The following KCNQ5 variants were observed in gnomAD, a reference collection of about 807,000 sequenced individuals.
KCNQ5 encodes the protein potassium voltage-gated channel subfamily KQT member 5.
KCNQ5 carries 30 observed loss-of-function variants against 98.2 expected under a neutral mutation model. The ratio of observed to expected loss-of-function variants is 0.31; its 90% CI spans 0.23 to 0.41. The LOEUF (loss-of-function observed/expected upper bound fraction) is 0.41, where lower values mean the gene tolerates loss of function less well. Among genes scored for constraint, KCNQ5 ranks in the 10% least tolerant of loss-of-function variants. The probability of loss-of-function intolerance (pLI) is 1.00; values close to 1 mark genes in which losing one functional copy is unlikely to be tolerated. For missense variants in KCNQ5, 835 were observed against 1,182.5 expected (o/e 0.71, Z 4.31); for synonymous variants, 458 against 449.4 (o/e 1.02, Z -0.24).
intron 5 of KCNQ5, among the ~76,000 whole-genome samples, chr6:73,088,305 G>GCCACC (rs1774077376): frequency 6.6e-6 from 1 of 152,114 alleles, no homozygotes; most frequent in Admixed American, 6.6e-5. Flanking sequence ...ACAGGCATAA[G>GCCACC]CCACCGTGCC....
At chr6:72,721,968 G>A (rs114063605) in intron 1 of KCNQ5, among the ~76,000 whole-genome samples, 1,772 of 152,250 alleles carry the variant, frequency 0.012, 36 homozygotes, top group African/African-American at 0.041. Flanking sequence ...TCTTGAGATG[G>A]GAAGATTATT....
intron 2 of KCNQ5, among the ~76,000 whole-genome samples, chr6:73,021,205 C>G (rs1329648083): frequency 6.6e-6 from 1 of 152,146 alleles, no homozygotes; most frequent in East Asian, 1.9e-4. Flanking sequence ...AGTGGATGGT[C>G]TATAACGGTG....
chr6:72,771,035 CA>C (rs1772845768), intron 1 of KCNQ5, among the ~76,000 whole-genome samples: 1 of 152,072 alleles, frequency 6.6e-6, no homozygotes, highest in African/African-American at 2.4e-5. Context: ...CAAAGAATGC[CA>C]GTAAATTTGG....
intron 1 of KCNQ5, among the ~76,000 whole-genome samples, chr6:72,996,315 TCA>T (rs1230564969): frequency 4.6e-5 from 7 of 152,324 alleles, no homozygotes; most frequent in Non-Finnish European, 8.8e-5. Flanking sequence ...TGTTAAAAGA[TCA>T]CAGTCTCCGA....
chr6:72,976,274 C>T (rs577349481), intron 1 of KCNQ5, among the ~76,000 whole-genome samples: 1 of 152,254 alleles, frequency 6.6e-6, no homozygotes, highest in East Asian at 1.9e-4. Context: ...AAATTTACAA[C>T]CTTTTTACGG....
chr6:72,793,706 G>C (rs906772843), intron 1 of KCNQ5, among the ~76,000 whole-genome samples: 2 of 152,230 alleles, frequency 1.3e-5, no homozygotes, highest in Non-Finnish European at 2.9e-5. Context: ...CAAGAAAAAG[G>C]GGGATGTGGT....
chr6:72,630,298 C>T (rs919517784), intron 1 of KCNQ5, among the ~76,000 whole-genome samples: 1 of 152,148 alleles, frequency 6.6e-6, no homozygotes, highest in African/African-American at 2.4e-5. Flanking sequence ...CTTTTACAAA[C>T]TCAGTCATAG....
chr6:72,739,954 T>G (rs545120931), intron 1 of KCNQ5, among the ~76,000 whole-genome samples: 113 of 152,324 alleles, frequency 7.4e-4, no homozygotes, highest in Middle Eastern at 3.4e-3. Context: ...GCACATAAAT[T>G]TATTATCTCA....
In KCNQ5 at chr6:73,190,636, A is replaced by G. The variant is rs1192885472; in HGVS notation, c.1641A>G (p.Lys547=). Residue 547 remains lysine (K), a synonymous_variant, in exon 12 of 14, where the codon AAA becomes AAG. Coordinates refer to ENST00000370398, the MANE Select transcript of KCNQ5 (RefSeq NM_019842.4). ...AAACATTACGTCCATATGATGTAAA[A>G]GATGTCATTGAACAATATTCTGCTG... is the stretch of plus-strand genomic sequence containing the variant. ...FKETLRPYDV[K]DVIEQYSAGH... is the part of the protein sequence containing the mutation. 1 of 1,592,744 alleles carries G rather than the reference A, an allele frequency of 6.3e-7. No individual in the cohort carries two copies. The highest frequency in any genetic ancestry group is 2.2e-5 in the East Asian group (1 of 44,526).
chr6:73,086,138 T>C (rs1186563958), intron 5 of KCNQ5, among the ~76,000 whole-genome samples: 1 of 152,172 alleles, frequency 6.6e-6, no homozygotes, highest in East Asian at 1.9e-4. Flanking sequence ...TTCTACTACA[T>C]ATTCCCTCTC....
intron 10 of KCNQ5, chr6:73,157,635 G>C: frequency 1.3e-6 from 1 of 775,162 alleles, no homozygotes; most frequent in Non-Finnish European, 2.4e-6. Context: ...AACGCAGCAT[G>C]GGTGATGGCT....
intron 1 of KCNQ5, among the ~76,000 whole-genome samples, chr6:72,751,484 G>A (rs983211475): frequency 2.6e-5 from 4 of 151,908 alleles, no homozygotes; most frequent in African/African-American, 9.7e-5. Flanking sequence ...TATTAAAAAG[G>A]AGAAATGTAA....
intron 1 of KCNQ5, among the ~76,000 whole-genome samples, chr6:72,974,385 C>CAAAAAAA (rs201503571): frequency 2.8e-4 from 34 of 120,484 alleles, no homozygotes; most frequent in African/African-American, 9.4e-4. Flanking sequence ...TAACTAGTGG[C>CAAAAAAA]AAAAAAAAAA....
At chr6:72,814,215 C>T (rs1252526928) in intron 1 of KCNQ5, among the ~76,000 whole-genome samples, 2 of 152,154 alleles carry the variant, frequency 1.3e-5, no homozygotes, top group Non-Finnish European at 2.9e-5. Context: ...AAAATGAGTG[C>T]CTGCCTCTGA....
At chr6:72,674,146 C>T (rs909416603) in intron 1 of KCNQ5, among the ~76,000 whole-genome samples, 1 of 151,936 alleles carries the variant, frequency 6.6e-6, no homozygotes, top group Admixed American at 6.6e-5. Flanking sequence ...TTTTTGGAAA[C>T]AGGAGAAGAA....
intron 1 of KCNQ5, among the ~76,000 whole-genome samples, chr6:72,655,118 G>A (rs1582057244): frequency 1.6e-5 from 2 of 126,336 alleles, no homozygotes; most frequent in Non-Finnish European, 3.3e-5. Context: ...CTTTCTCTCA[G>A]AAAAGAAAAA....
At chr6:73,019,812 TAA>T (rs1330313333) in intron 2 of KCNQ5, among the ~76,000 whole-genome samples, 2 of 152,186 alleles carry the variant, frequency 1.3e-5, no homozygotes, top group Non-Finnish European at 2.9e-5. Flanking sequence ...GTTAAAAATA[TAA>T]GACAGTCTGA....
At position 72,699,309 on chromosome 6, in the gene KCNQ5, G is replaced by A. The variant is rs1768676819; in HGVS notation, c.398+76722G>A. ...TGGTATGAAATACTGTTGATCAGAC[G>A]ACTGCTCAGGTTCAAATTAACAGTG... On this transcript the variant is annotated intron_variant, in intron 1 of 13. Transcript: ENST00000370398. Among the ~76,000 whole-genome samples, 5 of 152,224 alleles carry A rather than the reference G, an allele frequency of 3.3e-5. No individual in the cohort carries two copies. In the Middle Eastern group the frequency reaches 0.01, roughly 311 times the overall value.
chr6:72,664,307 A>G (rs538084138), intron 1 of KCNQ5, among the ~76,000 whole-genome samples: 1 of 152,294 alleles, frequency 6.6e-6, no homozygotes, highest in South Asian at 2.1e-4. Flanking sequence ...AAATAACAAA[A>G]TGTATTCTAA....
Sources: gnomAD v4.1 joint callset for allele counts (sites outside exome capture counted in the v4.1 genomes callset) on GRCh38, gnomAD v4.1.1 for gene constraint, MANE v1.5 for transcripts, NCBI Gene and HGNC (gene_info 2026-07-23, HGNC 2026-07-21) for gene names.